The following DYNC1I1 variants were observed in gnomAD, a reference collection of about 807,000 sequenced individuals.
DYNC1I1 encodes cytoplasmic dynein 1 intermediate chain 1.
A neutral mutation model predicts 86.6 loss-of-function variants in DYNC1I1; 43 were observed. The ratio of observed to expected loss-of-function variants is 0.50; its 90% CI spans 0.39 to 0.64. The LOEUF is 0.64. Among genes scored for constraint, DYNC1I1 ranks in the 30% least tolerant of loss-of-function variants. DYNC1I1 has a pLI of 0.00. For missense variants in DYNC1I1, 604 were observed against 788.8 expected (o/e 0.77, Z 2.81); for synonymous variants, 262 against 283.7 (o/e 0.92, Z 0.77).
rs566780350 is a variant in DYNC1I1 at position 96,029,379 on chromosome 7, G to A, written c.1116+1058G>A. ...GAAGGTGGGCTTGATGCAGGTGTTT[G>A]GTGAAGTAGTGTGAAACCATGCCTT... is the stretch of plus-strand genomic sequence containing the variant. On this transcript the variant is annotated intron_variant, in intron 11 of 16. Transcript: ENST00000447467. Among the ~76,000 whole-genome samples the A allele has an allele frequency of 2.0e-5, 3 of 152,228 alleles. No homozygotes were observed. In the East Asian group the frequency reaches 5.8e-4, roughly 29 times the overall value.
intron 10 of DYNC1I1, among the ~76,000 whole-genome samples, chr7:96,005,806 C>A (rs930586811): frequency 1.3e-5 from 2 of 152,130 alleles, no homozygotes; most frequent in Non-Finnish European, 2.9e-5. Context: ...AAAGATTCTA[C>A]AAAAATAGAA....
At chr7:95,928,969 C>T (rs765961620) in intron 6 of DYNC1I1, among the ~76,000 whole-genome samples, 7 of 152,050 alleles carry the variant, frequency 4.6e-5, no homozygotes, top group South Asian at 2.1e-4. Flanking sequence ...CCAAACTTAC[C>T]GGTATTACAC....
chr7:96,077,239 TTGTGTGTGTGTGTGTGTG>T (rs3047672), intron 15 of DYNC1I1, among the ~76,000 whole-genome samples: 1 of 144,434 alleles, frequency 6.9e-6, no homozygotes, highest in Admixed American at 6.9e-5. Flanking sequence ...TCCCTAGTAT[TTGTGTGTGTGTGTGTGTG>T]TGTGTGTGTG....
At chr7:96,053,300 A>G (rs1789462194) in intron 14 of DYNC1I1, among the ~76,000 whole-genome samples, 1 of 152,324 alleles carries the variant, frequency 6.6e-6, no homozygotes, top group Middle Eastern at 3.4e-3. Flanking sequence ...TTTTAAGTGT[A>G]TTTCTGTAAA....
At chr7:95,837,993 T>C (rs1789162753) in intron 5 of DYNC1I1, among the ~76,000 whole-genome samples, 2 of 152,180 alleles carry the variant, frequency 1.3e-5, no homozygotes, top group Admixed American at 6.5e-5. Context: ...TGGCTCCTCC[T>C]GGTCCTGGTT....
intron 6 of DYNC1I1, among the ~76,000 whole-genome samples, chr7:95,905,471 T>G (rs1273386233): frequency 6.6e-6 from 1 of 152,162 alleles, no homozygotes; most frequent in Non-Finnish European, 1.5e-5. Flanking sequence ...CCCTTTTTCT[T>G]AAAAAGGCCA....
rs553839831 is a variant in DYNC1I1, at chr7:95,843,124, C to T, written c.374+15008C>T. Reference sequence around the variant, plus strand: ...TCTTAAGGTTTTCCAGTTTGACTGGCGTGAACAGAAACTATTCTTATTCTT... The same window carrying T: ...TCTTAAGGTTTTCCAGTTTGACTGGTGTGAACAGAAACTATTCTTATTCTT... On this transcript the variant is annotated intron_variant, in intron 5 of 16. Coordinates refer to ENST00000447467, the MANE Select transcript of DYNC1I1 (RefSeq NM_001135556.2). 2.6e-5 allele frequency among the ~76,000 whole-genome samples: 4 copies of T among 152,280 alleles called. No homozygotes were observed. The South Asian group carries it at 6.2e-4, about 24-fold the overall frequency.
chr7:96,057,272 G>C (rs528421494), intron 14 of DYNC1I1, among the ~76,000 whole-genome samples: 1 of 152,140 alleles, frequency 6.6e-6, no homozygotes, highest in Non-Finnish European at 1.5e-5. Context: ...CAGTCTGTGC[G>C]AGTCAGAGTC....
intron 6 of DYNC1I1, among the ~76,000 whole-genome samples, chr7:95,885,265 T>C (rs557337257): frequency 6.6e-6 from 1 of 152,196 alleles, no homozygotes; most frequent in East Asian, 1.9e-4. Context: ...CCTCCCAGGT[T>C]CAAGTGATTC....
At chr7:95,846,810 A>G (rs1789445496) in intron 5 of DYNC1I1, among the ~76,000 whole-genome samples, 1 of 152,208 alleles carries the variant, frequency 6.6e-6, no homozygotes, top group Non-Finnish European at 1.5e-5. Flanking sequence ...ATTAGAATTC[A>G]GTAGTTGAAA....
intron 11 of DYNC1I1, among the ~76,000 whole-genome samples, chr7:96,030,424 T>C (rs1225569643): frequency 6.6e-6 from 1 of 151,030 alleles, no homozygotes; most frequent in Non-Finnish European, 1.5e-5. Context: ...TTACACCTCT[T>C]TTTTCTCTTA....
intron 10 of DYNC1I1, among the ~76,000 whole-genome samples, chr7:95,997,584 TG>T (rs1793899787): frequency 3.2e-5 from 1 of 31,668 alleles, no homozygotes; most frequent in Non-Finnish European, 5.0e-5. Context: ...AGGGCATTCT[TG>T]TGTGTGTGTG....
At chr7:95,875,871 G>T (rs1790296834) in intron 6 of DYNC1I1, among the ~76,000 whole-genome samples, 1 of 152,110 alleles carries the variant, frequency 6.6e-6, no homozygotes. Context: ...CAGCTGTCAT[G>T]GTCTCCAGAC....
At chr7:96,019,437 T>G (rs1794485984) in intron 10 of DYNC1I1, among the ~76,000 whole-genome samples, 1 of 152,050 alleles carries the variant, frequency 6.6e-6, no homozygotes, top group Non-Finnish European at 1.5e-5. Context: ...ACTTTTCACA[T>G]TTGACGGCAA....
chr7:96,086,354 T>A (rs533440572), intron 16 of DYNC1I1, among the ~76,000 whole-genome samples: 2 of 152,340 alleles, frequency 1.3e-5, no homozygotes, highest in African/African-American at 4.8e-5. Context: ...TTGTGATAAA[T>A]TCACACAGGT....
intron 10 of DYNC1I1, among the ~76,000 whole-genome samples, chr7:96,007,928 C>G (rs1794181308): frequency 6.6e-6 from 1 of 152,186 alleles, no homozygotes; most frequent in South Asian, 2.1e-4. Context: ...CAGTCCATTT[C>G]TCTGGTTAAG....
At chr7:95,857,887 C>T (rs1789767939) in intron 5 of DYNC1I1, among the ~76,000 whole-genome samples, 1 of 152,220 alleles carries the variant, frequency 6.6e-6, no homozygotes, top group Non-Finnish European at 1.5e-5. Flanking sequence ...ACTACCTAGA[C>T]TAGCAGTAAA....
intron 6 of DYNC1I1, among the ~76,000 whole-genome samples, chr7:95,873,548 T>C (rs1790229192): frequency 6.6e-6 from 1 of 152,192 alleles, no homozygotes; most frequent in Admixed American, 6.5e-5. Context: ...TTTCTTAAGG[T>C]AGCGAGTACT....
At chr7:95,880,381 T>C (rs1383726211) in intron 6 of DYNC1I1, among the ~76,000 whole-genome samples, 1 of 152,174 alleles carries the variant, frequency 6.6e-6, no homozygotes, top group Non-Finnish European at 1.5e-5. Context: ...GGTGGAATGA[T>C]TTATCCAATT....
Sources: gnomAD v4.1 joint callset for allele counts (sites outside exome capture counted in the v4.1 genomes callset) on GRCh38, gnomAD v4.1.1 for gene constraint, MANE v1.5 for transcripts, NCBI Gene and HGNC (gene_info 2026-07-23, HGNC 2026-07-21) for gene names.